PAPPA: variants seen among roughly 807,000 people sequenced by gnomAD.
PAPPA encodes pappalysin-1.
Under a neutral mutation model 164.0 loss-of-function variants are expected in PAPPA, and 60 were observed. The ratio of observed to expected loss-of-function variants is 0.37; its 90% confidence interval spans 0.30 to 0.45. PAPPA has a LOEUF of 0.45. Ranked by LOEUF, PAPPA falls within the 20% of genes least tolerant of loss-of-function variation. The pLI is 1.00. For synonymous variants in PAPPA, 875 were observed against 814.1 expected, an observed-to-expected ratio of 1.07 and a Z score of -1.27; for missense variants, 1,782 against 2,087.3, an observed-to-expected ratio of 0.85 and a Z score of 2.85.
intron 9 of PAPPA, among the ~76,000 whole-genome samples, chr9:116,290,463 C>T (rs1399044559): frequency 6.6e-6 from 1 of 151,632 alleles, no homozygotes; most frequent in African/African-American, 2.4e-5. Flanking sequence ...AGTGACACAG[C>T]TAAAAGGGAT....
chr9:116,235,801 T>TCATGGGAACA (rs1844657965), intron 7 of PAPPA, among the ~76,000 whole-genome samples, 164 bp downstream of exon 7: 1 of 151,920 alleles, frequency 6.6e-6, no homozygotes, highest in Non-Finnish European at 1.5e-5. Context: ...CATGGCAGAG[T>TCATGGGAACA]TGATATCATG....
At chr9:116,303,492 G>T (rs1845606411) in intron 10 of PAPPA, among the ~76,000 whole-genome samples, 1 of 152,278 alleles carries the variant, frequency 6.6e-6, no homozygotes, top group East Asian at 1.9e-4. Context: ...ATGTGCCACA[G>T]TTCTTCCCCA....
At chr9:116,289,393 T>C (rs1845406271) in intron 9 of PAPPA, among the ~76,000 whole-genome samples, 1 of 100,778 alleles carries the variant, frequency 9.9e-6, no homozygotes, top group Non-Finnish European at 2.1e-5. Flanking sequence ...TATGTATATA[T>C]AGCTATATAT....
chr9:116,391,086 A>ACGTGT (rs1281345107), intron 21 of PAPPA, among the ~76,000 whole-genome samples: 9 of 152,134 alleles, frequency 5.9e-5, no homozygotes, highest in Admixed American at 5.9e-4. Flanking sequence ...AAAGACTCAA[A>ACGTGT]CGTGTCTTTT....
intron 15 of PAPPA, among the ~76,000 whole-genome samples, chr9:116,348,377 G>T (rs1846239043): frequency 6.6e-6 from 1 of 151,830 alleles, no homozygotes; most frequent in Admixed American, 6.6e-5. Flanking sequence ...AAGCCAGGGG[G>T]TAAAGAGGTG....
intron 1 of PAPPA, among the ~76,000 whole-genome samples, chr9:116,159,984 A>G (rs1484890882): frequency 6.6e-6 from 1 of 152,192 alleles, no homozygotes; most frequent in Non-Finnish European, 1.5e-5. Context: ...CTGCACCTGG[A>G]ATAACCAGCT....
chr9:116,221,109 T>A (rs1844440713), intron 5 of PAPPA, among the ~76,000 whole-genome samples: 1 of 152,116 alleles, frequency 6.6e-6, no homozygotes, highest in South Asian at 2.1e-4. Flanking sequence ...TGATTCTCCC[T>A]TCCCTGAAAA....
chr9:116,261,059 G>A (rs961213657), intron 7 of PAPPA, among the ~76,000 whole-genome samples: 4 of 152,144 alleles, frequency 2.6e-5, no homozygotes, highest in Non-Finnish European at 4.4e-5. Flanking sequence ...TGTGACTATC[G>A]GCAAGTAGCT....
intron 1 of PAPPA, among the ~76,000 whole-genome samples, chr9:116,156,860 G>T (rs991279830): frequency 5.3e-5 from 8 of 152,240 alleles, no homozygotes; most frequent in Admixed American, 1.3e-4. Flanking sequence ...CCTCCTTCGT[G>T]TAAGTTTGGG....
At chr9:116,205,468 T>C (rs185265118) in intron 2 of PAPPA, among the ~76,000 whole-genome samples, 4 of 152,160 alleles carry the variant, frequency 2.6e-5, no homozygotes, top group Admixed American at 2.0e-4. Flanking sequence ...AAATAATAAA[T>C]TATGTGGAAA....
At chr9:116,308,414 G>A (rs898987605) in intron 10 of PAPPA, among the ~76,000 whole-genome samples, 3 of 152,216 alleles carry the variant, frequency 2.0e-5, no homozygotes, top group Non-Finnish European at 4.4e-5. Flanking sequence ...ACTTCTTCCA[G>A]GCTTTCCACC....
chr9:116,321,581 G>A (rs556841770), intron 10 of PAPPA, among the ~76,000 whole-genome samples: 2 of 152,256 alleles, frequency 1.3e-5, no homozygotes, highest in South Asian at 2.1e-4. Context: ...ATGAGAGAAT[G>A]GTAGCACTGA....
At chr9:116,346,729 T>C (rs1335155526) in intron 14 of PAPPA, among the ~76,000 whole-genome samples, 2 of 152,200 alleles carry the variant, frequency 1.3e-5, no homozygotes, top group Non-Finnish European at 2.9e-5. Context: ...GGAGGCACTA[T>C]AGACAGCAGT....
chr9:116,201,484 C>T (rs1260762241), intron 2 of PAPPA, among the ~76,000 whole-genome samples: 1 of 152,158 alleles, frequency 6.6e-6, no homozygotes, highest in Non-Finnish European at 1.5e-5. Flanking sequence ...GTGTTGGGAA[C>T]CAGGTTTGGC....
intron 2 of PAPPA, among the ~76,000 whole-genome samples, chr9:116,200,031 AC>A (rs1844153962): frequency 6.6e-6 from 1 of 152,058 alleles, no homozygotes. Context: ...ACTAGGCTCC[AC>A]CCCCAACATT....
At position 116,335,070 on chromosome 9, in the gene PAPPA, C is replaced by A; in HGVS notation, c.3607C>A (p.Gln1203Lys). ...AGGGGAGACCTACAGCCCTGCCGAG[C>A]AGAGGTAAGGGATCCGCGGCAGACT... The part of the protein sequence containing the change: ...QRGETYSPAE[Q>K]SCVHFACEKT... Residue 1203 changes from glutamine to lysine, a missense_variant, in exon 13 of 22, where the codon CAG becomes AAG. Physicochemically the swap from Gln to Lys is moderately conservative, Grantham distance 53. This residue lies in a region of PAPPA where 1,324 missense variants were observed against 1,656.9 expected (regional missense o/e 0.80). Transcript: ENST00000328252. The A allele has an allele frequency of 6.2e-7, 1 of 1,612,238 alleles. No homozygotes were observed. The highest frequency in any genetic ancestry group is 8.5e-7 in the Non-Finnish European group (1 of 1,179,440).
chr9:116,331,259 G>T lies in PAPPA; in HGVS notation c.3163G>T (p.Val1055Leu), dbSNP rs368875459. Reference sequence around the variant, plus strand: ...ATTTTTCCAGGTGTGTCGAACCAAGGTGATAGATCTCAGTGAAGGCATTTC... The same window carrying T: ...ATTTTTCCAGGTGTGTCGAACCAAGTTGATAGATCTCAGTGAAGGCATTTC... ...PAASQVCRTK[V>L]IDLSEGISQH... is the part of the protein sequence containing the mutation. The change falls in exon 11 of 22, where the codon GTG becomes TTG. Residue 1055 changes from valine (V) to leucine (L), a missense_variant. Transcript: ENST00000328252. 2.5e-6 allele frequency: 4 copies of T among 1,605,706 alleles called. No homozygotes were observed. The highest frequency in any genetic ancestry group is 3.3e-5 in the Admixed American group (2 of 59,972).
intron 9 of PAPPA, among the ~76,000 whole-genome samples, chr9:116,280,245 G>A (rs1427125368): frequency 1.3e-5 from 2 of 152,128 alleles, no homozygotes; most frequent in African/African-American, 4.8e-5. Flanking sequence ...AGGGAGGTTA[G>A]GAAAATGATA....
chr9:116,178,624 C>T (rs1843864796), intron 1 of PAPPA, among the ~76,000 whole-genome samples: 1 of 152,192 alleles, frequency 6.6e-6, no homozygotes, highest in African/African-American at 2.4e-5. Flanking sequence ...CTGAGATACA[C>T]AGATCAGCCT....
Sources: gnomAD v4.1 joint callset for allele counts (sites outside exome capture counted in the v4.1 genomes callset) on GRCh38, gnomAD v4.1.1 for gene constraint, gnomAD v4.1.1 regional missense constraint, MANE v1.5 for transcripts, NCBI Gene and HGNC (gene_info 2026-07-23, HGNC 2026-07-21) for gene names.